Variants in CEP112 observed in about 807,000 individuals in gnomAD.
The protein encoded by CEP112 is centrosomal protein 112.
CEP112 carries 127 observed loss-of-function variants against 153.0 expected under a neutral mutation model. The ratio of observed to expected loss-of-function variants is 0.83; its 90% confidence interval spans 0.72 to 0.96. CEP112 has a LOEUF of 0.96. CEP112 is among the 40% of genes least tolerant of loss of function. CEP112 has a pLI of 0.00. For missense variants in CEP112, 1,089 were observed against 1,101.2 expected, an observed-to-expected ratio of 0.99 and a Z score of 0.16; for synonymous variants, 358 against 374.4, an observed-to-expected ratio of 0.96 and a Z score of 0.51.
At chr17:65,965,747 C>A (rs2062391671) in intron 17 of CEP112, among the ~76,000 whole-genome samples, 1 of 151,932 alleles carries the variant, frequency 6.6e-6, no homozygotes, top group Middle Eastern at 3.2e-3. Flanking sequence ...GTCTCAAACT[C>A]CTGGACTCAA....
intron 8 of CEP112, among the ~76,000 whole-genome samples, chr17:66,088,658 C>T (rs2068029116): frequency 6.6e-6 from 1 of 152,160 alleles, no homozygotes; most frequent in Non-Finnish European, 1.5e-5. Context: ...CCACTGGGGC[C>T]CCAATCTCCA....
At chr17:66,184,460 C>CA (rs1041002362) in intron 1 of CEP112, among the ~76,000 whole-genome samples, 4 of 151,716 alleles carry the variant, frequency 2.6e-5, no homozygotes, top group Non-Finnish European at 4.4e-5. Context: ...CGATAATCAG[C>CA]AAAAAAAATT....
chr17:65,900,576 C>G (rs1051543332), intron 20 of CEP112, among the ~76,000 whole-genome samples: 94 of 152,126 alleles, frequency 6.2e-4, no homozygotes, highest in African/African-American at 2.2e-3. Context: ...ATAGCAGCCC[C>G]CAAATAATAG....
intron 19 of CEP112, among the ~76,000 whole-genome samples, chr17:65,909,170 T>C (rs559267247): frequency 9.2e-5 from 14 of 152,254 alleles, no homozygotes; most frequent in African/African-American, 2.6e-4. Flanking sequence ...ACATAAATCA[T>C]AGAAGGATGT....
intron 16 of CEP112, among the ~76,000 whole-genome samples, chr17:66,009,189 TTGTG>T (rs34971943): frequency 0.035 from 5,170 of 146,864 alleles, 277 homozygotes; most frequent in African/African-American, 0.12. Flanking sequence ...TGTTATCCCT[TTGTG>T]TGTGTGTGTG....
intron 17 of CEP112, among the ~76,000 whole-genome samples, chr17:65,989,890 T>G (rs908880178): frequency 3.9e-5 from 6 of 152,184 alleles, no homozygotes; most frequent in African/African-American, 1.4e-4. Flanking sequence ...AGATAAAGTA[T>G]GTAAGTTTTT....
intron 6 of CEP112, among the ~76,000 whole-genome samples, chr17:66,123,122 C>G (rs569833835): frequency 2.2e-4 from 34 of 152,332 alleles, no homozygotes; most frequent in African/African-American, 7.0e-4. Context: ...AGTGAAATCT[C>G]TATCCTATGA....
chr17:66,148,514 TG>T (rs2071022005), intron 4 of CEP112, among the ~76,000 whole-genome samples: 1 of 152,174 alleles, frequency 6.6e-6, no homozygotes, highest in Non-Finnish European at 1.5e-5. Flanking sequence ...CATTCATTGG[TG>T]TCTTTTTAGA....
chr17:66,160,376 C>A (rs1335319820), intron 4 of CEP112, among the ~76,000 whole-genome samples: 1 of 152,142 alleles, frequency 6.6e-6, no homozygotes, highest in Non-Finnish European at 1.5e-5. Flanking sequence ...AAAGAGCCCA[C>A]ATAGCCAAGA....
chr17:65,781,199 A>C (rs887956768), intron 21 of CEP112, among the ~76,000 whole-genome samples: 3 of 152,202 alleles, frequency 2.0e-5, no homozygotes, highest in Non-Finnish European at 1.5e-5. Flanking sequence ...TACAAAAATC[A>C]GTAGCATTTC....
intron 16 of CEP112, among the ~76,000 whole-genome samples, chr17:66,022,533 C>T (rs936038377): frequency 1.3e-4 from 20 of 151,580 alleles, no homozygotes; most frequent in African/African-American, 4.8e-4. Context: ...ATGGTGAAAC[C>T]CGTCTCTACT....
chr17:65,690,302 TG>T (rs988219524), intron 23 of CEP112, among the ~76,000 whole-genome samples: 1 of 151,620 alleles, frequency 6.6e-6, no homozygotes, highest in African/African-American at 2.4e-5. Flanking sequence ...GGTGCAAACC[TG>T]TGGTCCCAGC....
intron 19 of CEP112, among the ~76,000 whole-genome samples, chr17:65,905,011 C>A (rs2143646540): frequency 6.6e-6 from 1 of 152,206 alleles, no homozygotes; most frequent in South Asian, 2.1e-4. Flanking sequence ...TAGAAGAAAA[C>A]CTAGGCAATA....
chr17:65,984,646 C>T (rs1005763487), intron 17 of CEP112, among the ~76,000 whole-genome samples: 1 of 152,060 alleles, frequency 6.6e-6, no homozygotes, highest in Admixed American at 6.5e-5. Flanking sequence ...CTCTGCCTAA[C>T]ACAAATTTTA....
At chr17:65,696,182 T>C (rs748772465) in intron 23 of CEP112, among the ~76,000 whole-genome samples, 1 of 152,214 alleles carries the variant, frequency 6.6e-6, no homozygotes, top group African/African-American at 2.4e-5. Flanking sequence ...GCAGTTCTCA[T>C]TGAGTTGAAA....
intron 21 of CEP112, among the ~76,000 whole-genome samples, chr17:65,845,700 C>A (rs1442815051): frequency 6.6e-6 from 1 of 152,158 alleles, no homozygotes; most frequent in Non-Finnish European, 1.5e-5. Context: ...TACACACTAT[C>A]ATCACTTAGT....
At chr17:65,863,985 T>C (rs1388607285) in intron 20 of CEP112, among the ~76,000 whole-genome samples, 2 of 150,856 alleles carry the variant, frequency 1.3e-5, no homozygotes, top group East Asian at 4.0e-4. Context: ...CTACTAAAAA[T>C]ACAAAAATTA....
chr17:65,974,633 A>C (rs984958526), intron 17 of CEP112, among the ~76,000 whole-genome samples: 3 of 152,228 alleles, frequency 2.0e-5, no homozygotes, highest in African/African-American at 7.2e-5. Flanking sequence ...GTGGTTGCAT[A>C]AACACACTGG....
intron 23 of CEP112, among the ~76,000 whole-genome samples, chr17:65,710,411 G>C (rs901603593): frequency 6.6e-6 from 1 of 151,570 alleles, no homozygotes; most frequent in Non-Finnish European, 1.5e-5. Flanking sequence ...TTATCCTTTT[G>C]TACCATATGC....
Sources: allele counts gnomAD v4.1 joint callset (sites outside exome capture counted in the v4.1 genomes callset), GRCh38; gene constraint gnomAD v4.1.1; transcripts MANE v1.5; gene names NCBI Gene and HGNC (gene_info 2026-07-23, HGNC 2026-07-21).